Variants in SYT1 observed in about 807,000 individuals in gnomAD.
SYT1 encodes the protein synaptotagmin-1.
SYT1 carries 8 observed loss-of-function variants against 44.8 expected under a neutral mutation model. That is an observed-to-expected ratio of 0.18 (90% CI 0.10 to 0.32). The LOEUF is 0.32. Among genes scored for constraint, SYT1 ranks in the 10% least tolerant of loss-of-function variants. The probability of loss-of-function intolerance (pLI) is 1.00; values close to 1 mark genes in which losing one functional copy is unlikely to be tolerated. For missense variants in SYT1, 286 were observed against 509.3 expected (o/e 0.56, Z 4.22); for synonymous variants, 154 against 188.8 (o/e 0.82, Z 1.51).
chr12:79,235,564 C>T (rs183362971), intron 4 of SYT1, among the ~76,000 whole-genome samples: 180 of 150,368 alleles, frequency 1.2e-3, no homozygotes, highest in African/African-American at 4.0e-3. Context: ...ATACCAAAAA[C>T]GGCTAGTCAC....
rs1195881031 is a variant in SYT1, at chr12:78,973,939, ATATATATATATATATATATATATATAT to A, written c.-216-3859_-216-3833del. Among the ~76,000 whole-genome samples, 90 of 11,406 alleles carry A rather than the reference ATATATATATATATATATATATATATAT, an allele frequency of 7.9e-3. 5 individuals are homozygous for A. The highest frequency in any genetic ancestry group is 0.029 in the South Asian group (4 of 140). 7.5% of individuals were successfully genotyped at this position (11,406 alleles called of 152,430 possible). On this transcript the variant is annotated intron_variant, in intron 1 of 10. Transcript: ENST00000261205. ...ACCAAAAAAAAAAAAAAAAAAAAAA[ATATATATATATATATATATATATATAT>A]ATATATATATATATATATATATGCA... is the stretch of plus-strand genomic sequence containing the variant.
chr12:79,024,399 G>C (rs915260437), intron 2 of SYT1, among the ~76,000 whole-genome samples: 6 of 151,732 alleles, frequency 4.0e-5, no homozygotes, highest in Middle Eastern at 3.2e-3. Context: ...ATTTATGTTA[G>C]CTGCTGTACT....
At chr12:79,429,091 C>A (rs1425716953) in intron 9 of SYT1, among the ~76,000 whole-genome samples, 1 of 152,172 alleles carries the variant, frequency 6.6e-6, no homozygotes, top group African/African-American at 2.4e-5. Context: ...ACCCCCATGA[C>A]CCCATGACCA....
At chr12:78,949,091 G>A (rs1460741558) in intron 1 of SYT1, among the ~76,000 whole-genome samples, 2 of 151,290 alleles carry the variant, frequency 1.3e-5, no homozygotes, top group Non-Finnish European at 3.0e-5. Context: ...CCAGTTGCTA[G>A]TGATTGGCTA....
intron 1 of SYT1, among the ~76,000 whole-genome samples, chr12:78,969,848 C>T (rs926532595): frequency 4.6e-5 from 7 of 152,044 alleles, no homozygotes; most frequent in Non-Finnish European, 7.4e-5. Context: ...ATAGAAAATG[C>T]CTTGGCAGAT....
At chr12:78,918,456 A>G (rs1201130434) in intron 1 of SYT1, among the ~76,000 whole-genome samples, 1 of 152,122 alleles carries the variant, frequency 6.6e-6, no homozygotes, top group African/African-American at 2.4e-5. Context: ...ATTAAAAGCT[A>G]CAGACTCTGG....
At chr12:79,310,731 G>GTCCC (rs1880737876) in intron 8 of SYT1, among the ~76,000 whole-genome samples, 1 of 152,074 alleles carries the variant, frequency 6.6e-6, no homozygotes, top group African/African-American at 2.4e-5. Flanking sequence ...GGTCCTTCAC[G>GTCCC]TCCCTCGTAA....
chr12:79,132,448 CAA>C (rs201209266), intron 3 of SYT1, among the ~76,000 whole-genome samples: 5 of 114,146 alleles, frequency 4.4e-5, no homozygotes, highest in Non-Finnish European at 1.9e-5. Context: ...GATTCCGTCT[CAA>C]AAAAAAAAAA....
intron 1 of SYT1, among the ~76,000 whole-genome samples, chr12:78,883,295 G>C (rs1874557578): frequency 6.6e-6 from 1 of 151,596 alleles, no homozygotes; most frequent in Non-Finnish European, 1.5e-5. Context: ...AGCAATACAT[G>C]GCACATACTA....
chr12:79,276,877 T>C (rs1878759816), intron 4 of SYT1, among the ~76,000 whole-genome samples: 1 of 147,432 alleles, frequency 6.8e-6, no homozygotes. Flanking sequence ...AATGTGGCAT[T>C]ACATAAAATG....
At chr12:79,399,244 C>T (rs1214900518) in intron 9 of SYT1, among the ~76,000 whole-genome samples, 1 of 149,408 alleles carries the variant, frequency 6.7e-6, no homozygotes. Flanking sequence ...ATTTTTGATG[C>T]AGATTGTTAT....
intron 3 of SYT1, among the ~76,000 whole-genome samples, chr12:79,094,724 C>T (rs187174064): frequency 6.6e-6 from 1 of 151,650 alleles, no homozygotes; most frequent in East Asian, 1.9e-4. Flanking sequence ...TATATAGTTC[C>T]ATTTTAGCTT....
At chr12:79,003,684 A>G (rs1290011141) in intron 2 of SYT1, among the ~76,000 whole-genome samples, 2 of 151,978 alleles carry the variant, frequency 1.3e-5, no homozygotes, top group African/African-American at 2.4e-5. Context: ...ACTCCAGAAT[A>G]TGATCTATTC....
chr12:79,293,894 A>C (rs1444522084), intron 6 of SYT1, among the ~76,000 whole-genome samples: 1 of 152,188 alleles, frequency 6.6e-6, no homozygotes, highest in African/African-American at 2.4e-5. Flanking sequence ...ATTACATCTG[A>C]TATTTGTGGT....
At chr12:79,212,498 GAA>G (rs5799420) in intron 3 of SYT1, among the ~76,000 whole-genome samples, 1 of 142,882 alleles carries the variant, frequency 7.0e-6, no homozygotes. Flanking sequence ...AAAGTAAAAT[GAA>G]AAAAAAAAAA....
rs552974375 is a variant in SYT1 at position 78,930,764 on chromosome 12, G to A, written c.-216-47035G>A. Among the ~76,000 whole-genome samples, 39 of 152,020 alleles carry A rather than the reference G, an allele frequency of 2.6e-4. No homozygotes were observed. In the South Asian group the frequency reaches 3.5e-3, roughly 14 times the overall value. On this transcript the variant is annotated intron_variant, in intron 1 of 10. Transcript: ENST00000261205. ...GCAGCTCTTCATGGCTTCAGGTTAC[G>A]TGAGCAACAGGTATAAGCTAAGCTT...
At chr12:78,999,603 G>C (rs1349891570) in intron 2 of SYT1, among the ~76,000 whole-genome samples, 3 of 152,098 alleles carry the variant, frequency 2.0e-5, no homozygotes, top group Non-Finnish European at 4.4e-5. Context: ...ATAGCAACTG[G>C]AATTAAAATA....
intron 9 of SYT1, among the ~76,000 whole-genome samples, chr12:79,425,847 TTGGCGTA>T (rs1555224951): frequency 1.3e-5 from 2 of 152,156 alleles, no homozygotes; most frequent in Non-Finnish European, 2.9e-5. Flanking sequence ...ATAATACTTA[TTGGCGTA>T]TGGCCTTTGA....
intron 2 of SYT1, among the ~76,000 whole-genome samples, chr12:78,998,007 A>AT (rs1385691175): frequency 6.6e-6 from 1 of 152,118 alleles, no homozygotes; most frequent in African/African-American, 2.4e-5. Context: ...CAAGTGACAA[A>AT]TTGGCTCCTA....
Sources: allele counts gnomAD v4.1 joint callset (sites outside exome capture counted in the v4.1 genomes callset), GRCh38; gene constraint gnomAD v4.1.1; transcripts MANE v1.5; gene names NCBI Gene and HGNC (gene_info 2026-07-23, HGNC 2026-07-21).